The following NLK variants were observed in gnomAD, a reference collection of about 807,000 sequenced individuals.
NLK encodes nemo like kinase, also known as serine/threonine-protein kinase NLK.
A neutral mutation model predicts 59.0 loss-of-function variants in NLK; 11 were observed. The ratio of observed to expected loss-of-function variants is 0.19; its 90% confidence interval spans 0.12 to 0.31. NLK has a LOEUF of 0.31. Among genes scored for constraint, NLK ranks in the 10% least tolerant of loss-of-function variants. The pLI is 1.00. For missense variants in NLK, 410 were observed against 661.1 expected (o/e 0.62, Z 4.16); for synonymous variants, 235 against 235.9 (o/e 1.00, Z 0.03).
chr17:28,100,295 A>G (rs1447118779), intron 1 of NLK, among the ~76,000 whole-genome samples: 1 of 152,216 alleles, frequency 6.6e-6, no homozygotes, highest in Non-Finnish European at 1.5e-5. Context: ...CATTCATACC[A>G]GCAAATGAGG....
chr17:28,100,113 A>G (rs1904855291), intron 1 of NLK, among the ~76,000 whole-genome samples: 1 of 152,190 alleles, frequency 6.6e-6, no homozygotes, highest in African/African-American at 2.4e-5. Context: ...CCTCTTTTTT[A>G]CATTGCTCTT....
intron 1 of NLK, among the ~76,000 whole-genome samples, chr17:28,098,771 C>T (rs934858024): frequency 6.6e-5 from 10 of 151,188 alleles, no homozygotes; most frequent in African/African-American, 2.4e-4. Flanking sequence ...CACCCTCCGC[C>T]TCCCGGGTTC....
chr17:28,113,674 G>A (rs998780748), intron 1 of NLK, among the ~76,000 whole-genome samples: 1 of 152,076 alleles, frequency 6.6e-6, no homozygotes, highest in Admixed American at 6.5e-5. Context: ...TTACCAGCAC[G>A]GTCTTTATGA....
At chr17:28,193,704 A>T (rs1235132003) in intron 10 of NLK, among the ~76,000 whole-genome samples, 1 of 151,906 alleles carries the variant, frequency 6.6e-6, no homozygotes, top group Non-Finnish European at 1.5e-5. Context: ...CCCTTTAATC[A>T]TATTAAAGTT....
intron 3 of NLK, among the ~76,000 whole-genome samples, chr17:28,144,006 G>T (rs1907126899): frequency 6.6e-6 from 1 of 152,136 alleles, no homozygotes; most frequent in Non-Finnish European, 1.5e-5. Context: ...GCTATGTAAT[G>T]AATCAACTTT....
At chr17:28,098,017 G>C (rs775164687) in intron 1 of NLK, among the ~76,000 whole-genome samples, 2 of 151,922 alleles carry the variant, frequency 1.3e-5, no homozygotes, top group African/African-American at 2.4e-5. Flanking sequence ...TTAAGGTGTC[G>C]ACTGGTTATT....
chr17:28,060,201 GAAAC>G (rs1909583882), intron 1 of NLK, among the ~76,000 whole-genome samples: 1 of 151,988 alleles, frequency 6.6e-6, no homozygotes, highest in South Asian at 2.1e-4. Flanking sequence ...AAGATTTTAA[GAAAC>G]AAAGCCAAAA....
At chr17:28,145,307 T>C (rs142680675) in intron 3 of NLK, among the ~76,000 whole-genome samples, 1 of 152,314 alleles carries the variant, frequency 6.6e-6, no homozygotes, top group Admixed American at 6.5e-5. Flanking sequence ...TAGGGTTAAA[T>C]ATGAAGAATA....
At chr17:28,068,216 G>C (rs2142754321) in intron 1 of NLK, among the ~76,000 whole-genome samples, 2 of 151,018 alleles carry the variant, frequency 1.3e-5, no homozygotes, top group Non-Finnish European at 2.9e-5. Flanking sequence ...TTTCTCCATT[G>C]ATTTGCCTTT....
At chr17:28,193,213 G>A (rs1294198440) in intron 10 of NLK, among the ~76,000 whole-genome samples, 1 of 152,206 alleles carries the variant, frequency 6.6e-6, no homozygotes, top group Non-Finnish European at 1.5e-5. Flanking sequence ...GCAGAAAGCA[G>A]CCACTCCCTG....
At chr17:28,143,065 A>G in intron 3 of NLK, among the ~76,000 whole-genome samples, 1 of 143,676 alleles carries the variant, frequency 7.0e-6, no homozygotes, top group Admixed American at 7.0e-5. Context: ...TTTTTTTGAG[A>G]CAGATTCTCA....
At chr17:28,184,768 C>T (rs1432234821) in intron 7 of NLK, among the ~76,000 whole-genome samples, 1 of 151,898 alleles carries the variant, frequency 6.6e-6, no homozygotes, top group African/African-American at 2.4e-5. Context: ...GCCAACATGG[C>T]AAAACCCCTT....
At chr17:28,146,413 T>C (rs1907257451) in intron 3 of NLK, among the ~76,000 whole-genome samples, 2 of 151,926 alleles carry the variant, frequency 1.3e-5, no homozygotes, top group African/African-American at 2.4e-5. Flanking sequence ...ATGACGATGA[T>C]GATGATGATG....
intron 3 of NLK, among the ~76,000 whole-genome samples, chr17:28,134,482 G>A (rs1255079633): frequency 1.3e-5 from 2 of 152,188 alleles, no homozygotes; most frequent in Admixed American, 6.5e-5. Context: ...GGCATTATAA[G>A]TAATTTAGAA....
Position 28,146,240 on chromosome 17 carries a change from A to G in NLK, c.644+13565A>G, listed in dbSNP as rs114579330. Among the ~76,000 whole-genome samples, 1,440 of 152,256 alleles carry G rather than the reference A, an allele frequency of 9.5e-3. 19 individuals are homozygous for G. Among genetic ancestry groups the G allele is most frequent in the African/African-American group, 0.033 (1,382 of 41,552 alleles). ...TCTTCCCTAAGCCTCAGTTTCCTCA[A>G]TGATAATGGAGATGATATTCTTACT... On this transcript the variant is annotated intron_variant, in intron 3 of 10. Coordinates refer to ENST00000407008, the MANE Select transcript of NLK (RefSeq NM_016231.5).
At chr17:28,061,425 C>T (rs1289927894) in intron 1 of NLK, among the ~76,000 whole-genome samples, 1 of 152,122 alleles carries the variant, frequency 6.6e-6, no homozygotes, top group Non-Finnish European at 1.5e-5. Context: ...TGTGATATTT[C>T]AATGTCACTT....
chr17:28,091,410 T>C (rs1904487516), intron 1 of NLK, among the ~76,000 whole-genome samples: 1 of 151,862 alleles, frequency 6.6e-6, no homozygotes, highest in Non-Finnish European at 1.5e-5. Flanking sequence ...CACTTTTATC[T>C]GGGCAATGAG....
chr17:28,196,657 T>G (rs1909492008), downstream of NLK, among the ~76,000 whole-genome samples: 1 of 152,236 alleles, frequency 6.6e-6, no homozygotes, highest in South Asian at 2.1e-4. Flanking sequence ...TTTCAAACTT[T>G]TTTTTCTTTG....
rs1023160046 is a variant in NLK at position 28,174,115 on chromosome 17, A to C, written c.1149+1497A>C. On this transcript the variant is annotated intron_variant, in intron 7 of 10. Coordinates refer to ENST00000407008, the MANE Select transcript of NLK (RefSeq NM_016231.5). ...CCTACTGCACCAAAAGTCACTGTGC[A>C]CTGCTCTGAGCATTCCTGGCAATTG... Among the ~76,000 whole-genome samples the C allele has an allele frequency of 7.9e-5, 12 of 152,226 alleles. 1 individual carries two copies. Among genetic ancestry groups the C allele is most frequent in the Admixed American group, 3.9e-4 (6 of 15,278 alleles).
Sources: allele counts gnomAD v4.1 joint callset (sites outside exome capture counted in the v4.1 genomes callset), GRCh38; gene constraint gnomAD v4.1.1; transcripts MANE v1.5; gene names NCBI Gene and HGNC (gene_info 2026-07-23, HGNC 2026-07-21).